Variants in PUM1 observed in about 807,000 individuals in gnomAD.
PUM1 encodes the protein pumilio homolog 1.
PUM1 carries 13 observed loss-of-function variants against 131.8 expected under a neutral mutation model. The ratio of observed to expected loss-of-function variants is 0.10; its 90% confidence interval spans 0.06 to 0.16. The LOEUF is 0.16. PUM1 is among the 10% of genes least tolerant of loss of function. PUM1 has a pLI of 1.00. For synonymous variants in PUM1, 509 were observed against 556.5 expected, an observed-to-expected ratio of 0.91 and a Z score of 1.20; for missense variants, 961 against 1,512.4, an observed-to-expected ratio of 0.64 and a Z score of 6.05.
At chr1:30,959,374 T>C (rs1640309087) in intron 14 of PUM1, among the ~76,000 whole-genome samples, 1 of 151,994 alleles carries the variant, frequency 6.6e-6, no homozygotes, top group Admixed American at 6.6e-5. Flanking sequence ...TCAACAAAAA[T>C]ACAAACACAC....
Position 31,006,026 on chromosome 1 carries a change from A to T in PUM1, c.547T>A (p.Ser183Thr), listed in dbSNP as rs1035865342. 16 of 1,599,336 alleles carry T rather than the reference A, an allele frequency of 1.0e-5. No individual in the cohort carries two copies. The highest frequency in any genetic ancestry group is 1.3e-5 in the Non-Finnish European group (15 of 1,174,204). Residue 183 changes from serine to threonine, a missense_variant, in exon 5 of 22, where the codon TCA becomes ACA. Physicochemically the swap from Ser to Thr is moderately conservative, Grantham distance 58 (BLOSUM62 1). Transcript: ENST00000426105. ...TGCACCATGATTGGCTGGGAAACTG[A>T]ATGATCTACAAAAAAGATACACAAG... is the stretch of plus-strand genomic sequence containing the variant. Reference protein sequence around the residue: ...RDSAWGTSDHSVSQPIMVQRR... With the variant: ...RDSAWGTSDHTVSQPIMVQRR...
intron 2 of PUM1, among the ~76,000 whole-genome samples, chr1:31,050,455 A>C (rs1486690531): frequency 6.6e-6 from 1 of 150,642 alleles, no homozygotes; most frequent in Non-Finnish European, 1.5e-5. Context: ...GTGGGTGACA[A>C]AGTGAGACTC....
intron 3 of PUM1, among the ~76,000 whole-genome samples, chr1:31,025,680 C>CA (rs1232782751): frequency 2.6e-5 from 4 of 151,086 alleles, no homozygotes; most frequent in Non-Finnish European, 5.9e-5. Flanking sequence ...CTCAGTCTCC[C>CA]AAGTAGCTGG....
At chr1:31,014,798 A>G (rs1642753379) in intron 3 of PUM1, among the ~76,000 whole-genome samples, 2 of 152,050 alleles carry the variant, frequency 1.3e-5, no homozygotes, top group South Asian at 4.1e-4. Context: ...CAGAAAAAAA[A>G]AAAAAAGTTG....
At chr1:30,961,573 C>A (rs187505761) in intron 14 of PUM1, among the ~76,000 whole-genome samples, 36 of 151,984 alleles carry the variant, frequency 2.4e-4, no homozygotes, top group African/African-American at 7.5e-4. Flanking sequence ...TGTTTTTAGT[C>A]TGAACTTTAA....
intron 2 of PUM1, among the ~76,000 whole-genome samples, chr1:31,029,691 A>G (rs1570307928): frequency 1.3e-5 from 2 of 152,200 alleles, no homozygotes; most frequent in East Asian, 3.8e-4. Context: ...ATTCAAGAGT[A>G]CATTCCTTTG....
At chr1:30,948,577 C>T (rs1017180203) in intron 17 of PUM1, among the ~76,000 whole-genome samples, 3 of 152,060 alleles carry the variant, frequency 2.0e-5, no homozygotes, top group Admixed American at 6.6e-5. Flanking sequence ...GTGGTGAAAC[C>T]CCATCTCTAC....
intron 9 of PUM1, among the ~76,000 whole-genome samples, chr1:30,977,356 T>C (rs1473704511): frequency 2.0e-5 from 3 of 152,202 alleles, no homozygotes; most frequent in African/African-American, 7.2e-5. Flanking sequence ...GTATCTACCT[T>C]GAATGAGTGG....
intron 14 of PUM1, among the ~76,000 whole-genome samples, chr1:30,956,800 C>T (rs1460746679): frequency 6.6e-6 from 1 of 152,066 alleles, no homozygotes; most frequent in Non-Finnish European, 1.5e-5. Context: ...ATAAAGGAGC[C>T]AGGTCCTTGG....
chr1:31,014,096 T>C (rs910082904), intron 3 of PUM1, among the ~76,000 whole-genome samples: 1 of 151,304 alleles, frequency 6.6e-6, no homozygotes, highest in Non-Finnish European at 1.5e-5. Context: ...AGTCTAGGAG[T>C]TAAAGACCAG....
intron 4 of PUM1, among the ~76,000 whole-genome samples, chr1:31,006,528 A>G (rs888127213): frequency 1.3e-5 from 2 of 152,112 alleles, no homozygotes; most frequent in African/African-American, 4.8e-5. Flanking sequence ...GTCTGCCTCT[A>G]TAAGTTCTCC....
chr1:30,981,378 C>G lies in PUM1; in HGVS notation c.1186G>C (p.Val396Leu), dbSNP rs375494815. Residue 396 changes from valine (V) to leucine (L), a missense_variant, in exon 8 of 22, where the codon GTC becomes CTC. Val to Leu is a conservative substitution (Grantham distance 32). Coordinates refer to ENST00000426105, the MANE Select transcript of PUM1 (RefSeq NM_001020658.2). ...TGCTGAGCAGCTGTCAACTGCTGGACAGCAAGCGCATTAGGTCTTTGGAAC... is the reference window on the plus strand; with the variant it reads ...TGCTGAGCAGCTGTCAACTGCTGGAGAGCAAGCGCATTAGGTCTTTGGAAC... The part of the protein sequence containing the change: ...QLFQRPNALA[V>L]QQLTAAQQQQ... 1 of 1,604,670 alleles carries G rather than the reference C, an allele frequency of 6.2e-7. No individual in the cohort carries two copies. The highest frequency in any genetic ancestry group is 8.5e-7 in the Non-Finnish European group (1 of 1,174,682).
At chr1:30,976,419 T>G (rs1160434653) in intron 9 of PUM1, among the ~76,000 whole-genome samples, 1 of 152,220 alleles carries the variant, frequency 6.6e-6, no homozygotes, top group Admixed American at 6.5e-5. Context: ...AACCAAACCT[T>G]CCTTACACTG....
chr1:31,017,736 C>T (rs111360798), intron 3 of PUM1, among the ~76,000 whole-genome samples: 1 of 152,040 alleles, frequency 6.6e-6, no homozygotes, highest in African/African-American at 2.4e-5. Context: ...AACTGGCCAT[C>T]AACACAGGGT....
At chr1:30,990,680 A>G (rs570000419) in intron 7 of PUM1, among the ~76,000 whole-genome samples, 113 of 152,274 alleles carry the variant, frequency 7.4e-4, no homozygotes, top group African/African-American at 2.6e-3. Context: ...ACAAGAATGT[A>G]TAAAACAAAC....
intron 10 of PUM1, among the ~76,000 whole-genome samples, chr1:30,974,340 A>G (rs1368773951): frequency 6.6e-6 from 1 of 152,238 alleles, no homozygotes; most frequent in Non-Finnish European, 1.5e-5. Flanking sequence ...GGTGCTTAGC[A>G]AGCAACTACA....
At chr1:30,983,930 G>C (rs1196195241) in intron 7 of PUM1, among the ~76,000 whole-genome samples, 2 of 152,002 alleles carry the variant, frequency 1.3e-5, no homozygotes, top group Non-Finnish European at 2.9e-5. Flanking sequence ...TTACATGTAA[G>C]TCATTTTATG....
chr1:30,970,735 G>A (rs932553303), intron 10 of PUM1, among the ~76,000 whole-genome samples: 1 of 151,908 alleles, frequency 6.6e-6, no homozygotes, highest in Non-Finnish European at 1.5e-5. Context: ...CAATAACTCA[G>A]AAGAGATCTC....
chr1:31,023,294 C>G (rs17263940), intron 3 of PUM1, among the ~76,000 whole-genome samples: 37,364 of 151,998 alleles, frequency 0.25, 5,722 homozygotes, highest in Non-Finnish European at 0.34. Context: ...GCAAGAAAGT[C>G]TATATGATTT....
Sources: allele counts gnomAD v4.1 joint callset (sites outside exome capture counted in the v4.1 genomes callset), GRCh38; gene constraint gnomAD v4.1.1; transcripts MANE v1.5; gene names NCBI Gene and HGNC (gene_info 2026-07-23, HGNC 2026-07-21).